PTPRD: variants seen among roughly 807,000 people sequenced by gnomAD.
The protein encoded by PTPRD is receptor-type tyrosine-protein phosphatase delta.
PTPRD carries 34 observed loss-of-function variants against 214.5 expected under a neutral mutation model. The observed-to-expected ratio is 0.16, with a 90% CI of 0.12 to 0.21. The LOEUF (loss-of-function observed/expected upper bound fraction) is 0.21. Ranked by LOEUF, PTPRD falls within the 10% of genes least tolerant of loss-of-function variation. The probability of loss-of-function intolerance (pLI) is 1.00; values close to 1 mark genes in which losing one functional copy is unlikely to be tolerated. For missense variants in PTPRD, 2,545 were observed against 2,398.7 expected (o/e 1.06, Z -1.27); for synonymous variants, 1,128 against 845.7 (o/e 1.33, Z -5.79).
intron 8 of PTPRD, among the ~76,000 whole-genome samples, chr9:9,523,405 C>A (rs2097038496): frequency 6.6e-6 from 1 of 152,032 alleles, no homozygotes; most frequent in African/African-American, 2.4e-5. Flanking sequence ...CAAAAAGATT[C>A]ATTTCATAAA....
At chr9:8,323,733 A>G (rs1212561621) in intron 44 of PTPRD, among the ~76,000 whole-genome samples, 1 of 152,180 alleles carries the variant, frequency 6.6e-6, no homozygotes, top group Non-Finnish European at 1.5e-5. Context: ...GCTTCTCAAG[A>G]TGGAATATAC....
In PTPRD at chr9:8,666,041, T is replaced by C. The variant is rs1021195903; in HGVS notation, c.65-29197A>G. Among the ~76,000 whole-genome samples the C allele has an allele frequency of 2.5e-4, 31 of 123,780 alleles. No homozygotes were observed. In the Admixed American group the frequency reaches 2.9e-3, roughly 11 times the overall value. The allele number at this position is 123,780 out of a possible 152,430, so 81.2% of individuals were successfully genotyped here. On this transcript the variant is annotated intron_variant, in intron 12 of 45. Coordinates refer to ENST00000381196, the MANE Select transcript of PTPRD (RefSeq NM_002839.4). ...GCACATTTAGGCGTTTCATAACTGT[T>C]TTTTTTTTTTCTGAATGAAAATCAC...
At chr9:8,945,751 C>T (rs2099060271) in intron 11 of PTPRD, among the ~76,000 whole-genome samples, 1 of 152,108 alleles carries the variant, frequency 6.6e-6, no homozygotes, top group South Asian at 2.1e-4. Flanking sequence ...CTCATCTTTG[C>T]CTGTGTACCT....
intron 10 of PTPRD, among the ~76,000 whole-genome samples, chr9:9,085,333 C>T (rs865800784): frequency 6.6e-6 from 1 of 152,126 alleles, no homozygotes; most frequent in Non-Finnish European, 1.5e-5. Flanking sequence ...ATAATAATTA[C>T]TTCCTTCTCT....
chr9:8,980,717 T>C (rs902206889), intron 11 of PTPRD, among the ~76,000 whole-genome samples: 1 of 152,108 alleles, frequency 6.6e-6, no homozygotes, highest in Non-Finnish European at 1.5e-5. Flanking sequence ...TAAATATATG[T>C]AGCCCCAAAT....
At chr9:9,444,154 A>G (rs182928722) in intron 8 of PTPRD, among the ~76,000 whole-genome samples, 1 of 152,296 alleles carries the variant, frequency 6.6e-6, no homozygotes, top group Admixed American at 6.5e-5. Context: ...ACTGTGTACC[A>G]TACCACTTAA....
intron 7 of PTPRD, among the ~76,000 whole-genome samples, chr9:9,591,436 C>T (rs766429358): frequency 1.3e-5 from 2 of 151,998 alleles, no homozygotes; most frequent in African/African-American, 2.4e-5. Context: ...AGGAACACAA[C>T]ACTGCCAACA....
chr9:9,583,255 C>G (rs1488692730), intron 7 of PTPRD, among the ~76,000 whole-genome samples: 2 of 151,934 alleles, frequency 1.3e-5, no homozygotes, highest in African/African-American at 4.8e-5. Flanking sequence ...ACTCATTTAG[C>G]AAGTGGGAAT....
rs374506877 is a variant in PTPRD, at chr9:8,319,781, T to A, written c.5670+50A>T. 54 of 1,608,536 alleles carry A rather than the reference T, an allele frequency of 3.4e-5. No individual in the cohort carries two copies. In the African/African-American group the frequency reaches 5.1e-4, roughly 15 times the overall value. On this transcript the variant is annotated intron_variant, in intron 45 of 45. Transcript: ENST00000381196. ...AGTATGGAGTCCGGGAGGTCCAGGC[T>A]AGCAAAACGTAGGCTCTTGAGATGC...
rs568020623 is a variant in PTPRD, at chr9:9,878,704, C to A, written c.-368+59803G>T. 1.2e-3 allele frequency among the ~76,000 whole-genome samples: 181 copies of A among 152,260 alleles called. 1 individual carries two copies. The Middle Eastern group carries it at 0.017, about 14-fold the overall frequency. On this transcript the variant is annotated intron_variant, in intron 5 of 45. Coordinates refer to ENST00000381196, the MANE Select transcript of PTPRD (RefSeq NM_002839.4). ...ATGAACTGTCTTTAAGCATAACCCACCAAATAGAGCATAGGTGGATTTCTC... is the reference window on the plus strand; with the variant it reads ...ATGAACTGTCTTTAAGCATAACCCAACAAATAGAGCATAGGTGGATTTCTC...
chr9:8,765,474 A>G (rs957763160), intron 11 of PTPRD, among the ~76,000 whole-genome samples: 2 of 152,200 alleles, frequency 1.3e-5, no homozygotes, highest in African/African-American at 4.8e-5. Context: ...AGAAAAACCA[A>G]TCCCTGCCAG....
chr9:10,192,782 T>A (rs1452974275), intron 3 of PTPRD, among the ~76,000 whole-genome samples: 1 of 152,058 alleles, frequency 6.6e-6, no homozygotes, highest in African/African-American at 2.4e-5. Context: ...TAGACAAAAA[T>A]AAGCTTAGCC....
chr9:9,346,693 A>T (rs1415872514), intron 9 of PTPRD, among the ~76,000 whole-genome samples: 5 of 150,040 alleles, frequency 3.3e-5, no homozygotes, highest in East Asian at 2.0e-4. Flanking sequence ...AAGTGCCTTA[A>T]TTTTTTTTTT....
chr9:10,476,367 G>C (rs1227774594), intron 2 of PTPRD, among the ~76,000 whole-genome samples: 2 of 152,078 alleles, frequency 1.3e-5, no homozygotes, highest in Non-Finnish European at 2.9e-5. Flanking sequence ...CAAATCATGA[G>C]TGAACTCCCA....
intron 4 of PTPRD, among the ~76,000 whole-genome samples, chr9:9,984,094 T>A (rs1388381518): frequency 1.3e-5 from 2 of 152,124 alleles, no homozygotes; most frequent in Non-Finnish European, 2.9e-5. Context: ...TTTCTCATTT[T>A]AAAAAATCAT....
chr9:9,008,579 A>G (rs1450185889), intron 11 of PTPRD, among the ~76,000 whole-genome samples: 4 of 152,088 alleles, frequency 2.6e-5, no homozygotes. Flanking sequence ...TGACAATTCT[A>G]TGGAAAAAAA....
At chr9:10,281,444 C>G (rs1207738302) in intron 3 of PTPRD, among the ~76,000 whole-genome samples, 1 of 152,136 alleles carries the variant, frequency 6.6e-6, no homozygotes, top group Non-Finnish European at 1.5e-5. Context: ...ATGGAAATGT[C>G]CAAATCTCAC....
At chr9:9,194,368 G>T (rs371268099) in intron 9 of PTPRD, among the ~76,000 whole-genome samples, 1 of 152,034 alleles carries the variant, frequency 6.6e-6, no homozygotes, top group African/African-American at 2.4e-5. Context: ...TAACATAGTC[G>T]TTTATTATCA....
intron 37 of PTPRD, 51 bp downstream of exon 37, chr9:8,389,181 G>A (rs749165039): frequency 4.0e-6 from 6 of 1,491,778 alleles, no homozygotes; most frequent in Non-Finnish European, 5.4e-6. Flanking sequence ...TGCAACATAG[G>A]GACTCTGAGG....
Sources: allele counts gnomAD v4.1 joint callset (sites outside exome capture counted in the v4.1 genomes callset), GRCh38; gene constraint gnomAD v4.1.1; transcripts MANE v1.5; gene names NCBI Gene and HGNC (gene_info 2026-07-23, HGNC 2026-07-21).